Variants in SHH observed in about 807,000 individuals in gnomAD.
The protein encoded by SHH is sonic hedgehog protein.
In SHH, 3 loss-of-function variants were observed where a neutral mutation model predicts 16.6. The ratio of observed to expected loss-of-function variants is 0.18; its 90% CI spans 0.08 to 0.47. The LOEUF is 0.47. SHH is among the 20% of genes least tolerant of loss of function. The pLI is 0.98. For missense variants in SHH, 499 were observed against 665.0 expected (o/e 0.75, Z 2.75); for synonymous variants, 351 against 316.2 (o/e 1.11, Z -1.17).
chr7:155,805,711 C>G (rs1049882791), intron 2 of SHH, among the ~76,000 whole-genome samples: 16 of 152,134 alleles, frequency 1.1e-4, no homozygotes, highest in Non-Finnish European at 1.9e-4. Flanking sequence ...CGTCCCGGCC[C>G]GGCTCCCAGT....
intron 2 of SHH, among the ~76,000 whole-genome samples, chr7:155,805,335 T>C (rs1803328936): frequency 6.6e-6 from 1 of 152,102 alleles, no homozygotes. Context: ...GCCTTTGCTT[T>C]CTGTGGGGAC....
chr7:155,808,406 G>A (rs1032267570), intron 1 of SHH, among the ~76,000 whole-genome samples: 1 of 152,240 alleles, frequency 6.6e-6, no homozygotes, highest in Non-Finnish European at 1.5e-5. Flanking sequence ...GGGCAGCCAG[G>A]GAGAGGGCGG....
chr7:155,810,234 G>T (rs905681484), intron 1 of SHH, among the ~76,000 whole-genome samples: 11 of 152,180 alleles, frequency 7.2e-5, no homozygotes, highest in African/African-American at 2.4e-4. Flanking sequence ...AGGTGTGCGA[G>T]CCCAGGACCC....
Position 155,812,391 on chromosome 7 carries a change from G to A in SHH, c.-269C>T, listed in dbSNP as rs1803542620. 1.8e-6 allele frequency: 1 copy of A among 564,106 alleles called. No homozygotes were observed. The highest frequency in any genetic ancestry group is 3.0e-5 in the Admixed American group (1 of 32,818). The allele number at this position is 564,106 out of a possible 1,614,324, so 34.9% of individuals were successfully genotyped here. A position where few individuals can be genotyped will look rare whatever the true frequency, so the allele number is the denominator to read the frequency against. On this transcript the variant is annotated 5_prime_UTR_variant, in exon 1 of 3. Transcript: ENST00000297261. ...GCCGCTGATAACGGAACACATCGGA[G>A]TTGGGTCGCGAGACAGCAATCAAAA... is the stretch of plus-strand genomic sequence containing the variant.
Position 155,800,495 on chromosome 7 carries a change from T to C in SHH, c.*2405A>G, listed in dbSNP as rs919552938. ...TCAACGCCTGGCTTCTCTCTGATCG[T>C]CTGGGCTGCACGGCCACATTGCCAG... On this transcript the variant is annotated 3_prime_UTR_variant, in exon 3 of 3. Transcript: ENST00000297261. 1.1e-5 allele frequency: 5 copies of C among 465,842 alleles called. No homozygotes were observed. The highest frequency in any genetic ancestry group is 1.0e-4 in the African/African-American group (5 of 49,870). The allele number at this position is 465,842 out of a possible 1,614,324, so 28.9% of individuals were successfully genotyped here. A position where few individuals can be genotyped will look rare whatever the true frequency, so the allele number is the denominator to read the frequency against.
At chr7:155,808,763 G>A (rs1026626107) in intron 1 of SHH, among the ~76,000 whole-genome samples, 3 of 152,206 alleles carry the variant, frequency 2.0e-5, no homozygotes, top group Non-Finnish European at 4.4e-5. Context: ...GGGCCGCCGG[G>A]GCCGGGCTTT....
intron 1 of SHH, among the ~76,000 whole-genome samples, chr7:155,810,164 G>A (rs193195098): frequency 6.6e-6 from 1 of 152,192 alleles, no homozygotes; most frequent in African/African-American, 2.4e-5. Flanking sequence ...CGTCTGCCTC[G>A]CTGCGCGGCT....
chr7:155,812,235 G>A lies in SHH; in HGVS notation c.-113C>T, dbSNP rs764326691. 1.9e-6 allele frequency: 2 copies of A among 1,029,140 alleles called. No individual in the cohort carries two copies. Among genetic ancestry groups the A allele is most frequent in the Non-Finnish European group, 3.0e-6 (2 of 664,092 alleles). The allele number at this position is 1,029,140 out of a possible 1,614,324, so 63.8% of individuals were successfully genotyped here. A position where few individuals can be genotyped will look rare whatever the true frequency, so the allele number is the denominator to read the frequency against. On this transcript the variant is annotated 5_prime_UTR_variant, in exon 1 of 3. Transcript: ENST00000297261. ...TCTTGCGCTTTCCCTTCCTCGCTCC[G>A]GCTCGCCCGCTCGCTCTCTCCCTCG...
intron 2 of SHH, among the ~76,000 whole-genome samples, chr7:155,804,303 G>A (rs988725868): frequency 2.0e-5 from 3 of 151,984 alleles, no homozygotes; most frequent in African/African-American, 7.2e-5. Flanking sequence ...GGGCGGGGGC[G>A]GGGAGTGAAA....
chr7:155,803,087 C>A lies in SHH; in HGVS notation c.1202G>T (p.Ser401Ile). The change falls in exon 3 of 3, where the codon AGC becomes ATC. Residue 401 changes from serine (S) to isoleucine (I), a missense_variant. Ser to Ile is a moderately radical substitution (Grantham distance 142, BLOSUM62 -2). This residue lies in a region of SHH where 299 missense variants were observed against 301.1 expected (regional missense o/e 0.99). Transcript: ENST00000297261. ...GCCGCCCCCGCGGTCCCCGCCGCCG[C>A]TGTCCCCGCCGCGGTCCGTGCGCGC... is the stretch of plus-strand genomic sequence containing the variant. ...APARTDRGGDSGGGDRGGGGG... is the reference protein window; with the variant it reads ...APARTDRGGDIGGGDRGGGGG... 1 of 1,351,574 alleles carries A rather than the reference C, an allele frequency of 7.4e-7. No homozygotes were observed. Among genetic ancestry groups the A allele is most frequent in the Non-Finnish European group, 9.5e-7 (1 of 1,052,590 alleles). 83.7% of individuals were successfully genotyped at this position (1,351,574 alleles called of 1,614,324 possible). A position where few individuals can be genotyped will look rare whatever the true frequency, so the allele number is the denominator to read the frequency against.
intron 2 of SHH, among the ~76,000 whole-genome samples, chr7:155,805,318 G>A (rs1050822002): frequency 2.6e-5 from 4 of 152,064 alleles, no homozygotes; most frequent in Admixed American, 6.5e-5. Context: ...TGCCGCCCCC[G>A]CTCCACGCCT....
At position 155,800,202 on chromosome 7, in the gene SHH, T is replaced by A; in HGVS notation, c.*2698A>T. 1 of 471,166 alleles carries A rather than the reference T, an allele frequency of 2.1e-6. No individual in the cohort carries two copies. Among genetic ancestry groups the A allele is most frequent in the South Asian group, 1.5e-5 (1 of 64,574 alleles). The allele number at this position is 471,166 out of a possible 1,614,324, so 29.2% of individuals were successfully genotyped here. ...GCGGGGCTGGGCTGCACCCTCTTGA[T>A]GCCCTGTACCTAGTGTCTCTAAGCA... On this transcript the variant is annotated 3_prime_UTR_variant, in exon 3 of 3. Transcript: ENST00000297261.
chr7:155,806,468 T>C lies in SHH; in HGVS notation c.390A>G (p.Glu130=). ...VKLRVTEGWD[E]DGHHSEESLH... ...GAGACTCCTCTGAGTGGTGGCCATC[T>C]TCGTCCCAGCCCTCGGTCACCCGCA... Residue 130 remains glutamate (E), a synonymous_variant, in exon 2 of 3, where the codon GAA becomes GAG. Transcript: ENST00000297261. 1.2e-6 allele frequency: 2 copies of C among 1,613,810 alleles called. No homozygotes were observed. Among genetic ancestry groups the C allele is most frequent in the Middle Eastern group, 1.6e-4 (1 of 6,062 alleles).
chr7:155,811,400 A>G (rs1259222070), intron 1 of SHH, among the ~76,000 whole-genome samples: 2 of 152,204 alleles, frequency 1.3e-5, no homozygotes, highest in South Asian at 2.1e-4. Flanking sequence ...GTTCGTTCGT[A>G]CAGTACCAGG....
chr7:155,804,110 A>G (rs918049260), intron 2 of SHH, among the ~76,000 whole-genome samples: 4 of 152,034 alleles, frequency 2.6e-5, no homozygotes, highest in Non-Finnish European at 5.9e-5. Flanking sequence ...TGGATTCCTC[A>G]GGAAGCCTCC....
In SHH at chr7:155,803,122, T is replaced by A. The variant is rs1803239855; in HGVS notation, c.1167A>T (p.Ala389=). The A allele has an allele frequency of 1.4e-6, 2 of 1,382,250 alleles. No homozygotes were observed. The highest frequency in any genetic ancestry group is 1.8e-5 in the South Asian group (1 of 56,330). 85.6% of individuals were successfully genotyped at this position (1,382,250 alleles called of 1,614,324 possible). A position where few individuals can be genotyped will look rare whatever the true frequency, so the allele number is the denominator to read the frequency against. Residue 389 remains alanine (A), a synonymous_variant, in exon 3 of 3, where the codon GCA becomes GCT. Transcript: ENST00000297261. ...CGCGGTCCGTGCGCGCGGGCGCCAG[T>A]GCAGCCAGGAGCGCGTGCGCCAGGC... is the stretch of plus-strand genomic sequence containing the variant. The part of the protein sequence containing the change: ...PFRLAHALLA[A]LAPARTDRGG...
At chr7:155,805,981 G>T (rs372895559) in intron 2 of SHH, among the ~76,000 whole-genome samples, 3 of 152,216 alleles carry the variant, frequency 2.0e-5, no homozygotes, top group South Asian at 2.1e-4. Flanking sequence ...GTCTTCCCTC[G>T]CCTGGAAGGG....
Position 155,803,296 on chromosome 7 carries a change from A to G in SHH, c.993T>C (p.Ala331=). 1 of 1,486,622 alleles carries G rather than the reference A, an allele frequency of 6.7e-7. No homozygotes were observed. 92.1% of individuals were successfully genotyped at this position (1,486,622 alleles called of 1,614,324 possible). A position where few individuals can be genotyped will look rare whatever the true frequency, so the allele number is the denominator to read the frequency against. Residue 331 remains alanine (A), a synonymous_variant, in exon 3 of 3, where the codon GCT becomes GCC. Coordinates refer to ENST00000297261, the MANE Select transcript of SHH (RefSeq NM_000193.4). ...RDGDRRLLPA[A]VHSVTLSEEA... ...CCTCGCTTAGGGTCACGCTGTGCAC[A>G]GCGGCGGGCAGGAGCCGGCGGTCCC... is the stretch of plus-strand genomic sequence containing the variant.
intron 1 of SHH, among the ~76,000 whole-genome samples, chr7:155,808,408 A>G (rs894631626): frequency 4.6e-5 from 7 of 152,230 alleles, no homozygotes; most frequent in Admixed American, 4.6e-4. Flanking sequence ...GCAGCCAGGG[A>G]GAGGGCGGCA....
Sources: gnomAD v4.1 joint callset for allele counts (sites outside exome capture counted in the v4.1 genomes callset) on GRCh38, gnomAD v4.1.1 for gene constraint, gnomAD v4.1.1 regional missense constraint, MANE v1.5 for transcripts, NCBI Gene and HGNC (gene_info 2026-07-23, HGNC 2026-07-21) for gene names.